Variants in RBM24 observed in about 807,000 individuals in gnomAD.
RBM24 encodes the protein RNA-binding protein 24.
RBM24 carries 5 observed loss-of-function variants against 23.6 expected under a neutral mutation model. The observed-to-expected ratio is 0.21, with a 90% CI of 0.11 to 0.45. RBM24 has a LOEUF of 0.45. Among genes scored for constraint, RBM24 ranks in the 20% least tolerant of loss-of-function variants. RBM24 has a pLI of 0.99. For missense variants in RBM24, 252 were observed against 314.6 expected (o/e 0.80, Z 1.51); for synonymous variants, 151 against 129.5 (o/e 1.17, Z -1.13).
At chr6:17,287,584 T>C (rs1485947097) in intron 3 of RBM24, among the ~76,000 whole-genome samples, 2 of 151,810 alleles carry the variant, frequency 1.3e-5, no homozygotes, top group Admixed American at 1.3e-4. Context: ...GGGTGGATCA[T>C]GAGGTCAGGA....
In RBM24 at chr6:17,284,640, G is replaced by C; in HGVS notation, c.293-17G>C. 6.2e-7 allele frequency: 1 copy of C among 1,601,124 alleles called. No individual in the cohort carries two copies. The highest frequency in any genetic ancestry group is 1.1e-5 in the South Asian group (1 of 89,472). On this transcript the variant is annotated splice_polypyrimidine_tract_variant and intron_variant, in intron 2 of 3. Transcript: ENST00000379052. ...TAACCATGCACAAATAAAGAATGTGGTATATTTTGTTGTTAGGTTTTGCCT... is the reference window on the plus strand; with the variant it reads ...TAACCATGCACAAATAAAGAATGTGCTATATTTTGTTGTTAGGTTTTGCCT...
chr6:17,292,788 A>G lies in RBM24; in HGVS notation c.*669A>G, dbSNP rs1368610487. On this transcript the variant is annotated 3_prime_UTR_variant, in exon 4 of 4. Coordinates refer to ENST00000379052, the MANE Select transcript of RBM24 (RefSeq NM_001143942.2). The stretch of plus-strand genomic sequence containing the variant: ...AAGTGATGTGGAATTAATGGGTGCA[A>G]CAGCTGTACAGACAATCAATAACAC... 6.5e-6 allele frequency: 1 copy of G among 152,678 alleles called. No homozygotes were observed. The highest frequency in any genetic ancestry group is 1.5e-5 in the Non-Finnish European group (1 of 68,058). The allele number at this position is 152,678 out of a possible 1,614,324, so 9.5% of individuals were successfully genotyped here. A position where few individuals can be genotyped will look rare whatever the true frequency, so the allele number is the denominator to read the frequency against.
rs1386948967 is a variant in RBM24 at position 17,281,724 on chromosome 6, C to G, written c.143C>G (p.Thr48Arg). The change falls in exon 1 of 4, where the codon ACG becomes AGG. Residue 48 changes from threonine (T) to arginine (R), a missense_variant. Coordinates refer to ENST00000379052, the MANE Select transcript of RBM24 (RefSeq NM_001143942.2). This position sits in a 1 kb window ranked among gnomAD's most constrained non-coding sequence, Gnocchi z 7.1. ...EEAVVITDRQ[T>R]GKSRGYGFVT... Reference sequence around the variant, plus strand: ...GCGGTGGTCATCACCGACCGGCAGACGGGCAAGTCCCGGGGCTATGGATTT... The same window carrying G: ...GCGGTGGTCATCACCGACCGGCAGAGGGGCAAGTCCCGGGGCTATGGATTT... The G allele has an allele frequency of 6.4e-7, 1 of 1,551,294 alleles. No homozygotes were observed. Among genetic ancestry groups the G allele is most frequent in the African/African-American group, 1.4e-5 (1 of 73,028 alleles).
intron 3 of RBM24, chr6:17,285,016 T>A (rs1561734315): frequency 4.5e-6 from 1 of 221,358 alleles, no homozygotes; most frequent in Non-Finnish European, 8.8e-6. Context: ...ACTGTTCGAC[T>A]TGACTCAATT....
intron 3 of RBM24, among the ~76,000 whole-genome samples, chr6:17,290,267 T>C (rs761169746): frequency 1.6e-4 from 25 of 152,358 alleles, no homozygotes; most frequent in Non-Finnish European, 3.1e-4. Context: ...TTACTTGTCC[T>C]TGTACTTCTT....
Position 17,292,286 on chromosome 6 carries a change from A to G in RBM24, c.*167A>G, listed in dbSNP as rs1760394082. The G allele has an allele frequency of 3.6e-6, 2 of 561,144 alleles. No individual in the cohort carries two copies. The highest frequency in any genetic ancestry group is 1.3e-4 in the South Asian group (2 of 15,556). The allele number at this position is 561,144 out of a possible 1,614,324, so 34.8% of individuals were successfully genotyped here. A position where few individuals can be genotyped will look rare whatever the true frequency, so the allele number is the denominator to read the frequency against. On this transcript the variant is annotated 3_prime_UTR_variant, in exon 4 of 4. Transcript: ENST00000379052. ...TTTTTTATACTCCAGGTAGTGTTCT[A>G]GATGAGAAAGAGGTAAGAATGAGGG...
At chr6:17,283,644 T>A (rs1760103467) in intron 2 of RBM24, among the ~76,000 whole-genome samples, 1 of 152,210 alleles carries the variant, frequency 6.6e-6, no homozygotes, top group Non-Finnish European at 1.5e-5. Context: ...CTTGAACTCC[T>A]GACCTCAGGT....
intron 3 of RBM24, among the ~76,000 whole-genome samples, chr6:17,287,773 C>T (rs1760239829): frequency 6.6e-6 from 1 of 151,638 alleles, no homozygotes; most frequent in South Asian, 2.1e-4. Flanking sequence ...TGTGCCACTG[C>T]ACTCCAGCCT....
chr6:17,290,818 C>T (rs914056706), intron 3 of RBM24: 59 of 1,283,750 alleles, frequency 4.6e-5, no homozygotes, highest in Non-Finnish European at 5.9e-5. Flanking sequence ...CTCATCATTT[C>T]CCCAAAACCC....
At chr6:17,285,955 T>C (rs1433553964) in intron 3 of RBM24, among the ~76,000 whole-genome samples, 2 of 152,182 alleles carry the variant, frequency 1.3e-5, no homozygotes, top group Non-Finnish European at 2.9e-5. Context: ...AAGAGTGTTT[T>C]ATCCTCAATA....
In RBM24 at chr6:17,284,212, T is replaced by G. The variant is rs575298474; in HGVS notation, c.293-445T>G. On this transcript the variant is annotated intron_variant, in intron 2 of 3. Transcript: ENST00000379052. ...GTATCCAGAAAAAAAACATTTTTTT[T>G]TGTGAATTTTTAATACTGGAAAGTG... is the stretch of plus-strand genomic sequence containing the variant. Among the ~76,000 whole-genome samples the G allele has an allele frequency of 3.5e-4, 54 of 152,316 alleles. 1 individual carries two copies. Among genetic ancestry groups the G allele is most frequent in the Admixed American group, 1.1e-3 (17 of 15,296 alleles).
intron 3 of RBM24, 59 bp from the exon 4 acceptor site, chr6:17,291,697 A>G: frequency 6.6e-7 from 1 of 1,525,680 alleles, no homozygotes; most frequent in South Asian, 1.3e-5. Context: ...TTATCTTTGA[A>G]CAACATGCTA....
chr6:17,281,484 G>A lies in RBM24; in HGVS notation c.-98G>A. On this transcript the variant is annotated 5_prime_UTR_variant, in exon 1 of 4. Transcript: ENST00000379052. The surrounding 1 kb of genome is among the most constrained non-coding windows in gnomAD (Gnocchi z 7.1). The stretch of plus-strand genomic sequence containing the variant: ...GGCTCGCCCTTGGCCCCCGGCGGCC[G>A]CGAAAGGGTGCGGGAGACGCGGAGC... The A allele has an allele frequency of 8.7e-7, 1 of 1,151,876 alleles. No individual in the cohort carries two copies. Among genetic ancestry groups the A allele is most frequent in the African/African-American group, 1.7e-5 (1 of 60,106 alleles). 71.4% of individuals were successfully genotyped at this position (1,151,876 alleles called of 1,614,324 possible).
intron 3 of RBM24, chr6:17,288,772 A>G (rs1376187155): frequency 3.0e-6 from 3 of 984,262 alleles, no homozygotes; most frequent in Non-Finnish European, 3.6e-6. Flanking sequence ...CCTGGGTTTG[A>G]GGAAAGGTGG....
chr6:17,288,627 G>T (rs925920108), intron 3 of RBM24: 6 of 985,310 alleles, frequency 6.1e-6, no homozygotes, highest in African/African-American at 3.5e-5. Flanking sequence ...TAGAGCTAGG[G>T]TGAGTGGGAT....
At chr6:17,285,483 G>T (rs911985725) in intron 3 of RBM24, among the ~76,000 whole-genome samples, 3 of 151,808 alleles carry the variant, frequency 2.0e-5, no homozygotes, top group Non-Finnish European at 4.4e-5. Flanking sequence ...TTTTTGTAGT[G>T]AGTGCTAAAT....
chr6:17,290,069 G>GTA, intron 3 of RBM24: 1 of 1,289,372 alleles, frequency 7.8e-7, no homozygotes, highest in South Asian at 1.2e-5. Flanking sequence ...TACAAGTCTG[G>GTA]TAAAATTGAG....
Position 17,291,899 on chromosome 6 carries a change from C to T in RBM24, c.491C>T (p.Ala164Val), listed in dbSNP as rs756057019. 2 of 1,613,032 alleles carry T rather than the reference C, an allele frequency of 1.2e-6. No individual in the cohort carries two copies. The highest frequency in any genetic ancestry group is 1.1e-5 in the South Asian group (1 of 91,078). Reference protein sequence around the residue: ...GAAYAQYSAAAAAAAAAAAYD... With the variant: ...GAAYAQYSAAVAAAAAAAAYD... ...GCATACGCACAATACTCAGCAGCTG[C>T]TGCTGCTGCCGCCGCCGCTGCTGCC... Residue 164 changes from alanine to valine, a missense_variant, in exon 4 of 4, where the codon GCT becomes GTT. By Grantham distance (64) the Ala-to-Val change is moderately conservative. Coordinates refer to ENST00000379052, the MANE Select transcript of RBM24 (RefSeq NM_001143942.2).
chr6:17,286,747 GA>G (rs1760210164), intron 3 of RBM24, among the ~76,000 whole-genome samples: 1 of 152,172 alleles, frequency 6.6e-6, no homozygotes, highest in Non-Finnish European at 1.5e-5. Flanking sequence ...AGGAAGACTG[GA>G]TATGTCTGGA....
Sources: allele counts gnomAD v4.1 joint callset (sites outside exome capture counted in the v4.1 genomes callset), GRCh38; gene constraint gnomAD v4.1.1; non-coding constraint Gnocchi (gnomAD v3.1); transcripts MANE v1.5; gene names NCBI Gene and HGNC (gene_info 2026-07-23, HGNC 2026-07-21).